Variants in HERC1 observed in about 807,000 individuals in gnomAD.
HERC1 encodes the protein HECT and RLD domain containing E3 ubiquitin protein ligase family member 1.
In HERC1, 160 loss-of-function variants were observed where a neutral mutation model predicts 554.3. That is an observed-to-expected ratio of 0.29 (90% CI 0.25 to 0.33). The LOEUF (loss-of-function observed/expected upper bound fraction) is 0.33, where lower values mean the gene tolerates loss of function less well. Ranked by LOEUF, HERC1 falls within the 10% of genes least tolerant of loss-of-function variation. The pLI, the probability that HERC1 is intolerant of heterozygous loss-of-function variation, is 1.00. For synonymous variants in HERC1, 2,175 were observed against 2,131.7 expected (o/e 1.02, Z -0.56); for missense variants, 4,919 against 5,918.5 (o/e 0.83, Z 5.54).
At chr15:63,663,285 A>G in intron 43 of HERC1, 81 bp from the exon 44 acceptor site, 1 of 1,144,384 alleles carries the variant, frequency 8.7e-7, no homozygotes. Context: ...ACTGCCATAC[A>G]TGTAGGTGAG....
At chr15:63,818,503 G>A (rs568651350) in intron 1 of HERC1, among the ~76,000 whole-genome samples, 4 of 152,244 alleles carry the variant, frequency 2.6e-5, no homozygotes, top group Middle Eastern at 3.4e-3. Flanking sequence ...TCTTAAATAC[G>A]AATATAAAAA....
Position 63,649,905 on chromosome 15 carries a change from T to C in HERC1, c.10567A>G (p.Ile3523Val), listed in dbSNP as rs2069580372. 3.1e-6 allele frequency: 5 copies of C among 1,608,022 alleles called. No individual in the cohort carries two copies. In the Admixed American group the frequency reaches 5.1e-5, roughly 16 times the overall value. Residue 3523 changes from isoleucine to valine, a missense_variant, in exon 54 of 78, where the codon ATT becomes GTT. Physicochemically the swap from Ile to Val is conservative, Grantham distance 29. Transcript: ENST00000443617. Reference sequence around the variant, plus strand: ...AGGGCAGATACCCAATGAGGCTGAATATCTACTAATCCTTTTCCTCCTAAA... The same window carrying C: ...AGGGCAGATACCCAATGAGGCTGAACATCTACTAATCCTTTTCCTCCTAAA... ...QVNGGKGLVD[I>V]QPHWVSALAW...
chr15:63,789,216 A>C (rs893533492), intron 1 of HERC1, among the ~76,000 whole-genome samples: 1 of 141,910 alleles, frequency 7.0e-6, no homozygotes, highest in Non-Finnish European at 1.5e-5. Flanking sequence ...TCAGCCTCCC[A>C]AGTAGCTGGG....
intron 69 of HERC1, among the ~76,000 whole-genome samples, chr15:63,629,625 C>T (rs2068459125): frequency 1.3e-5 from 2 of 152,216 alleles, no homozygotes; most frequent in African/African-American, 4.8e-5. Flanking sequence ...TGCCAGGAAA[C>T]TCCCAAAGGT....
intron 12 of HERC1, among the ~76,000 whole-genome samples, chr15:63,746,341 C>G (rs1185189550): frequency 6.6e-6 from 1 of 151,966 alleles, no homozygotes; most frequent in Non-Finnish European, 1.5e-5. Flanking sequence ...TATTACCTAC[C>G]AAAAGAGTTT....
At chr15:63,660,191 G>A (rs1212618954) in intron 46 of HERC1, among the ~76,000 whole-genome samples, 1 of 152,038 alleles carries the variant, frequency 6.6e-6, no homozygotes, top group East Asian at 1.9e-4. Context: ...ATGGTGGTGT[G>A]TGCCTGTAAT....
intron 1 of HERC1, among the ~76,000 whole-genome samples, chr15:63,833,256 A>G (rs949422948): frequency 1.3e-5 from 2 of 152,142 alleles, no homozygotes; most frequent in East Asian, 1.9e-4. Flanking sequence ...GGAGATTTGG[A>G]GAAAGGTTTA....
Position 63,817,352 on chromosome 15 carries a change from CTT to C in HERC1, c.-27+16473_-27+16474del, listed in dbSNP as rs566727656. Among the ~76,000 whole-genome samples the C allele has an allele frequency of 1.1e-4, 17 of 152,244 alleles. No homozygotes were observed. The South Asian group carries it at 1.5e-3, about 13-fold the overall frequency. On this transcript the variant is annotated intron_variant, in intron 1 of 77. Transcript: ENST00000443617. ...TATGCTATAAAAAGAGATAGACACTCTTATCTTTTAAAAATCAATATTGAAAT... is the reference window on the plus strand; with the variant it reads ...TATGCTATAAAAAGAGATAGACACTCATCTTTTAAAAATCAATATTGAAAT...
At chr15:63,643,126 T>A (rs1260773692) in intron 58 of HERC1, 68 bp from the exon 59 acceptor site, 6 of 1,102,718 alleles carry the variant, frequency 5.4e-6, no homozygotes, top group Non-Finnish European at 8.1e-6. Context: ...TAAATTTCTA[T>A]TTCACATTGA....
Position 63,718,983 on chromosome 15 carries a change from C to T in HERC1, c.3743-86G>A, listed in dbSNP as rs2073690119. On this transcript the variant is annotated intron_variant, in intron 19 of 77. Transcript: ENST00000443617. This position sits in a 1 kb window ranked among gnomAD's most constrained non-coding sequence, Gnocchi z 4.2. ...TTTTATAGCTTTAGTCATCCAACACCTGAATTTTATCATCTTTCTAAACTG... is the reference window on the plus strand; with the variant it reads ...TTTTATAGCTTTAGTCATCCAACACTTGAATTTTATCATCTTTCTAAACTG... 1 of 829,804 alleles carries T rather than the reference C, an allele frequency of 1.2e-6. No homozygotes were observed. Among genetic ancestry groups the T allele is most frequent in the South Asian group, 1.8e-5 (1 of 56,946 alleles). The allele number at this position is 829,804 out of a possible 1,614,324, so 51.4% of individuals were successfully genotyped here.
At chr15:63,740,318 CATTT>C (rs1433127507) in intron 12 of HERC1, among the ~76,000 whole-genome samples, 1 of 152,110 alleles carries the variant, frequency 6.6e-6, no homozygotes, top group East Asian at 1.9e-4. Flanking sequence ...AAATTTTGTT[CATTT>C]GTTTATCAGT....
At chr15:63,804,667 G>T (rs796277199) in intron 1 of HERC1, among the ~76,000 whole-genome samples, 34 of 151,582 alleles carry the variant, frequency 2.2e-4, no homozygotes, top group African/African-American at 7.5e-4. Context: ...GAAAAGGCAA[G>T]CCCCAAGATG....
chr15:63,682,439 C>T (rs535215863), intron 34 of HERC1, among the ~76,000 whole-genome samples: 1 of 152,134 alleles, frequency 6.6e-6, no homozygotes, highest in Non-Finnish European at 1.5e-5. Context: ...TGTAGTTGCT[C>T]TCTCCTCCAG....
In HERC1 at chr15:63,696,196, T is replaced by C. The variant is rs774818372; in HGVS notation, c.5049A>G (p.Ala1683=). 29 of 1,613,472 alleles carry C rather than the reference T, an allele frequency of 1.8e-5. No individual in the cohort carries two copies. In the Admixed American group the frequency reaches 4.3e-4, roughly 24 times the overall value. ...CAACAGTGCCTAAACCAAAACACCC[T>C]GCTAGGAACTGCAGCCTCACAGACG... The part of the protein sequence containing the change: ...LLTSVRLQFL[A]GCFGLGTVGH... Residue 1683 remains alanine (A), a synonymous_variant, in exon 27 of 78, where the codon GCA becomes GCG. Transcript: ENST00000443617.
rs117721499 is a variant in HERC1 at position 63,756,995 on chromosome 15, T to C, written c.1222-247A>G. ...TTCCAGGTTATTGTCCAGGTTATGA[T>C]TGAATGAAACAACAAAGTAAAACGC... On this transcript the variant is annotated intron_variant, in intron 4 of 77. Coordinates refer to ENST00000443617, the MANE Select transcript of HERC1 (RefSeq NM_003922.4). The surrounding 1 kb of genome is among the most constrained non-coding windows in gnomAD (Gnocchi z 5.0). Among the ~76,000 whole-genome samples the C allele has an allele frequency of 1.9e-3, 296 of 152,298 alleles. No individual in the cohort carries two copies. Among genetic ancestry groups the C allele is most frequent in the Non-Finnish European group, 3.3e-3 (222 of 68,024 alleles).
chr15:63,781,794 A>C (rs1285144365), intron 1 of HERC1, among the ~76,000 whole-genome samples: 1 of 152,248 alleles, frequency 6.6e-6, no homozygotes, highest in Non-Finnish European at 1.5e-5. Flanking sequence ...TTGCAATACA[A>C]AGGGAAAGTT....
intron 1 of HERC1, among the ~76,000 whole-genome samples, chr15:63,812,764 A>C (rs1390997231): frequency 6.6e-6 from 1 of 152,190 alleles, no homozygotes; most frequent in Non-Finnish European, 1.5e-5. Flanking sequence ...TACATGCTAA[A>C]AATTATAAAG....
intron 1 of HERC1, among the ~76,000 whole-genome samples, chr15:63,786,461 T>C (rs1021061932): frequency 6.6e-6 from 1 of 152,084 alleles, no homozygotes; most frequent in South Asian, 2.1e-4. Context: ...AAACATTCAC[T>C]GGAGCATTAC....
At chr15:63,715,354 C>T (rs1041721978) in intron 22 of HERC1, among the ~76,000 whole-genome samples, 12 of 152,182 alleles carry the variant, frequency 7.9e-5, no homozygotes, top group Admixed American at 5.9e-4. Flanking sequence ...TATATTTTCA[C>T]CTTCAGTCTG....
Sources: gnomAD v4.1 joint callset for allele counts (sites outside exome capture counted in the v4.1 genomes callset) on GRCh38, gnomAD v4.1.1 for gene constraint, Gnocchi (gnomAD v3.1) non-coding constraint, MANE v1.5 for transcripts, NCBI Gene and HGNC (gene_info 2026-07-23, HGNC 2026-07-21) for gene names.